The following MAP3K9 variants were observed in gnomAD, a reference collection of about 807,000 sequenced individuals.
MAP3K9 encodes the protein mixed lineage kinase 1 (tyr and ser/thr specificity).
Under a neutral mutation model 95.8 loss-of-function variants are expected in MAP3K9, and 46 were observed. That is an observed-to-expected ratio of 0.48 (90% CI 0.38 to 0.61). The LOEUF (loss-of-function observed/expected upper bound fraction) is 0.61, where lower values mean the gene tolerates loss of function less well. Ranked by LOEUF, MAP3K9 falls within the 20% of genes least tolerant of loss-of-function variation. The probability of loss-of-function intolerance (pLI) is 0.00; values close to 1 mark genes in which losing one functional copy is unlikely to be tolerated. For missense variants in MAP3K9, 1,296 were observed against 1,474.3 expected (o/e 0.88, Z 1.98); for synonymous variants, 533 against 593.8 (o/e 0.90, Z 1.49).
chr14:70,765,447 G>T (rs1205439011), intron 2 of MAP3K9: 1 of 691,952 alleles, frequency 1.4e-6, no homozygotes, highest in Non-Finnish European at 2.6e-6. Flanking sequence ...CTCACCCAGG[G>T]CAACTTCCAG....
chr14:70,753,102 G>A (rs532554386), intron 3 of MAP3K9: 7 of 152,372 alleles, frequency 4.6e-5, no homozygotes, highest in African/African-American at 1.7e-4. Context: ...TGTGCCTTTA[G>A]GAAGCAAGTT....
At chr14:70,762,585 A>G (rs1227833320) in intron 2 of MAP3K9, among the ~76,000 whole-genome samples, 2 of 152,112 alleles carry the variant, frequency 1.3e-5, no homozygotes, top group African/African-American at 4.8e-5. Flanking sequence ...GCCCATTTTT[A>G]AAGTAAGTGG....
chr14:70,747,279 C>T (rs565112627), intron 5 of MAP3K9, among the ~76,000 whole-genome samples: 1 of 152,202 alleles, frequency 6.6e-6, no homozygotes, highest in East Asian at 1.9e-4. Context: ...GGGGGTGGTT[C>T]CCTCATCCTG....
intron 2 of MAP3K9, among the ~76,000 whole-genome samples, chr14:70,784,858 G>A (rs780898093): frequency 3.3e-5 from 5 of 152,168 alleles, no homozygotes; most frequent in Non-Finnish European, 7.4e-5. Context: ...GGAGGTACCA[G>A]AGGTCCTGGG....
chr14:70,778,276 AT>A (rs71105734), intron 2 of MAP3K9, among the ~76,000 whole-genome samples: 83,181 of 122,690 alleles, frequency 0.68, 27,740 homozygotes, highest in African/African-American at 0.78. Flanking sequence ...ACGCCCAGCT[AT>A]TTTTTTTTTT....
chr14:70,731,018 G>T (rs2139699081), intron 11 of MAP3K9, among the ~76,000 whole-genome samples, 154 bp from the exon 12 acceptor site: 1 of 150,392 alleles, frequency 6.6e-6, no homozygotes, highest in East Asian at 2.1e-4. Flanking sequence ...AGGCACTGGG[G>T]ATACAGTAGT....
Position 70,726,637 on chromosome 14 carries a change from C to T in MAP3K9, c.*3743G>A, listed in dbSNP as rs954023543. 20 of 152,348 alleles carry T rather than the reference C, an allele frequency of 1.3e-4. No homozygotes were observed. The highest frequency in any genetic ancestry group is 4.3e-4 in the African/African-American group (18 of 41,568). The allele number at this position is 152,348 out of a possible 1,614,324, so 9.4% of individuals were successfully genotyped here. A position where few individuals can be genotyped will look rare whatever the true frequency, so the allele number is the denominator to read the frequency against. On this transcript the variant is annotated 3_prime_UTR_variant, in exon 12 of 12. Coordinates refer to ENST00000554752, the MANE Select transcript of MAP3K9 (RefSeq NM_001284230.2). ...GTCAACACCAGATGCTATATAAATG[C>T]GGCAGAAGGGCATGGGCCCGACCAG...
chr14:70,749,140 A>G, intron 4 of MAP3K9, 136 bp from the exon 5 acceptor site: 1 of 789,928 alleles, frequency 1.3e-6, no homozygotes, highest in Non-Finnish European at 2.0e-6. Context: ...AATTTAGGTA[A>G]CCTCAAATAA....
At chr14:70,739,896 A>C (rs1214397101) in intron 7 of MAP3K9, 146 bp downstream of exon 7, 1 of 1,606,820 alleles carries the variant, frequency 6.2e-7, no homozygotes, top group South Asian at 1.1e-5. Context: ...GGGTTTGCGT[A>C]CATATGTGCA....
intron 2 of MAP3K9, among the ~76,000 whole-genome samples, chr14:70,794,126 C>T (rs1041728266): frequency 2.6e-5 from 4 of 152,102 alleles, no homozygotes; most frequent in African/African-American, 9.7e-5. Flanking sequence ...GGCGAGGGCA[C>T]CCCTGCCAGC....
At chr14:70,772,042 G>A (rs748177332) in intron 2 of MAP3K9, among the ~76,000 whole-genome samples, 1 of 152,240 alleles carries the variant, frequency 6.6e-6, no homozygotes, top group Non-Finnish European at 1.5e-5. Context: ...GCAAGGCCAA[G>A]AGAGGCCAGA....
At chr14:70,753,722 C>T (rs1214943308) in intron 3 of MAP3K9, among the ~76,000 whole-genome samples, 20 of 152,192 alleles carry the variant, frequency 1.3e-4, no homozygotes, top group Admixed American at 1.2e-3. Context: ...TCCTAAAAGT[C>T]CTCACTGCCT....
Position 70,733,010 on chromosome 14 carries a change from C to A in MAP3K9, c.2359G>T (p.Ala787Ser), listed in dbSNP as rs748151841. 6.2e-7 allele frequency: 1 copy of A among 1,614,212 alleles called. No homozygotes were observed. Among genetic ancestry groups the A allele is most frequent in the Non-Finnish European group, 8.5e-7 (1 of 1,180,048 alleles). ...TCCCGTCTTTTCTTCTCCTCCCGGG[C>A]TGGTGGCTCAGGCTCCTCCAGGGGA... ...LLPLEEPEPP[A>S]REEKKRREGL... Residue 787 changes from alanine (A) to serine (S), a missense_variant, in exon 11 of 12, where the codon GCC becomes TCC. This residue lies in a region of MAP3K9 where 433 missense variants were observed against 441.4 expected (regional missense o/e 0.98). Coordinates refer to ENST00000554752, the MANE Select transcript of MAP3K9 (RefSeq NM_001284230.2).
Position 70,730,961 on chromosome 14 carries a change from A to T in MAP3K9, c.2831-97T>A, listed in dbSNP as rs975542901. On this transcript the variant is annotated intron_variant, in intron 11 of 11. Coordinates refer to ENST00000554752, the MANE Select transcript of MAP3K9 (RefSeq NM_001284230.2). ...CCCCAACACCACCATATCCCTACGC[A>T]ATCAGGAGAACATGAATCACCAAAT... 8 of 1,297,312 alleles carry T rather than the reference A, an allele frequency of 6.2e-6. No individual in the cohort carries two copies. The South Asian group carries it at 1.1e-4, about 17-fold the overall frequency. 80.4% of individuals were successfully genotyped at this position (1,297,312 alleles called of 1,614,324 possible). A position where few individuals can be genotyped will look rare whatever the true frequency, so the allele number is the denominator to read the frequency against.
intron 2 of MAP3K9, among the ~76,000 whole-genome samples, chr14:70,769,155 AC>A (rs113337565): frequency 0.52 from 79,372 of 151,934 alleles, 20,805 homozygotes; most frequent in South Asian, 0.62. Flanking sequence ...AGGCTATAGC[AC>A]CACCATGTTT....
At chr14:70,777,292 C>T (rs1363689480) in intron 2 of MAP3K9, among the ~76,000 whole-genome samples, 1 of 152,200 alleles carries the variant, frequency 6.6e-6, no homozygotes, top group Non-Finnish European at 1.5e-5. Flanking sequence ...TGTGCCCTAT[C>T]CAATGACTCA....
At chr14:70,779,063 G>A (rs2054638883) in intron 2 of MAP3K9, among the ~76,000 whole-genome samples, 1 of 152,192 alleles carries the variant, frequency 6.6e-6, no homozygotes, top group Admixed American at 6.5e-5. Flanking sequence ...GGAATAACGT[G>A]AGTCCAGGTC....
chr14:70,764,180 G>A (rs1473899030), intron 2 of MAP3K9, among the ~76,000 whole-genome samples: 8 of 6,594 alleles, frequency 1.2e-3, no homozygotes, highest in Middle Eastern at 0.1. Flanking sequence ...GCGACAGAGC[G>A]AGACTCCGTC....
chr14:70,784,289 A>G (rs79162916), intron 2 of MAP3K9, among the ~76,000 whole-genome samples: 48 of 151,122 alleles, frequency 3.2e-4, no homozygotes, highest in Non-Finnish European at 6.5e-4. Context: ...GTCTCAAAAC[A>G]AAAAAAAATA....
Sources: allele counts gnomAD v4.1 joint callset (sites outside exome capture counted in the v4.1 genomes callset), GRCh38; gene constraint gnomAD v4.1.1; regional missense constraint gnomAD v4.1.1; transcripts MANE v1.5; gene names NCBI Gene and HGNC (gene_info 2026-07-23, HGNC 2026-07-21).